Variants in MBD5 observed in about 807,000 individuals in gnomAD.
MBD5 encodes methyl-CpG binding domain protein 5.
Under a neutral mutation model 117.3 loss-of-function variants are expected in MBD5, and 13 were observed. The observed-to-expected ratio is 0.11, with a 90% CI of 0.07 to 0.18. The LOEUF is 0.18. MBD5 is among the 10% of genes least tolerant of loss of function. The pLI, the probability that MBD5 is intolerant of heterozygous loss-of-function variation, is 1.00. For synonymous variants in MBD5, 727 were observed against 766.4 expected (o/e 0.95, Z 0.85); for missense variants, 1,879 against 2,093.8 (o/e 0.90, Z 2.00).
At chr2:148,459,345 C>T (rs1706989797) in intron 5 of MBD5, among the ~76,000 whole-genome samples, 1 of 151,982 alleles carries the variant, frequency 6.6e-6, no homozygotes, top group Admixed American at 6.6e-5. Context: ...AATCTATTTC[C>T]TTGCGTGTAA....
chr2:148,345,306 T>C (rs1420735536), intron 4 of MBD5, among the ~76,000 whole-genome samples: 3 of 150,382 alleles, frequency 2.0e-5, no homozygotes, highest in Non-Finnish European at 4.4e-5. Flanking sequence ...TTTGGGTATA[T>C]ATACACACAC....
intron 1 of MBD5, among the ~76,000 whole-genome samples, chr2:148,118,857 C>T (rs948173669): frequency 6.6e-6 from 1 of 152,150 alleles, no homozygotes; most frequent in African/African-American, 2.4e-5. Context: ...AGTATATCTC[C>T]TAACTTCAGT....
chr2:148,034,339 G>A (rs1296752481), intron 1 of MBD5, among the ~76,000 whole-genome samples: 1 of 152,130 alleles, frequency 6.6e-6, no homozygotes, highest in African/African-American at 2.4e-5. Context: ...GCTTTCTACT[G>A]TTGTTTAGCG....
At chr2:148,280,131 C>CAAAAAAAAAAAAA (rs3076398) in intron 3 of MBD5, among the ~76,000 whole-genome samples, 234 of 91,614 alleles carry the variant, frequency 2.6e-3, no homozygotes, top group Non-Finnish European at 3.1e-3. Context: ...AAACTAACTG[C>CAAAAAAAAAAAAA]AAAAAAAAAA....
intron 1 of MBD5, among the ~76,000 whole-genome samples, chr2:148,086,591 A>G (rs1218502690): frequency 2.0e-5 from 3 of 152,186 alleles, no homozygotes; most frequent in Non-Finnish European, 4.4e-5. Context: ...CAGCCTTTAC[A>G]TAATTTCTGA....
chr2:148,270,741 G>A (rs1250893930), intron 3 of MBD5, among the ~76,000 whole-genome samples: 1 of 151,768 alleles, frequency 6.6e-6, no homozygotes, highest in African/African-American at 2.4e-5. Flanking sequence ...AGCCTCATAG[G>A]TCTCTACTAA....
intron 4 of MBD5, among the ~76,000 whole-genome samples, chr2:148,429,543 A>G (rs570527799): frequency 1.6e-4 from 24 of 152,318 alleles, no homozygotes; most frequent in Admixed American, 1.2e-3. Flanking sequence ...AGACACATGC[A>G]CACATATGTT....
intron 8 of MBD5, among the ~76,000 whole-genome samples, chr2:148,473,428 G>A (rs1680860536): frequency 6.6e-6 from 1 of 152,016 alleles, no homozygotes; most frequent in African/African-American, 2.4e-5. Flanking sequence ...AAACCAACAG[G>A]TAACATGGTC....
intron 1 of MBD5, among the ~76,000 whole-genome samples, chr2:148,128,724 CATGTGT>C (rs1481075637): frequency 6.6e-6 from 1 of 152,060 alleles, no homozygotes; most frequent in African/African-American, 2.4e-5. Context: ...TGCATGTATG[CATGTGT>C]GTATGCATGT....
chr2:148,511,114 T>C (rs1682200805), intron 13 of MBD5, among the ~76,000 whole-genome samples: 1 of 152,170 alleles, frequency 6.6e-6, no homozygotes, highest in South Asian at 2.1e-4. Flanking sequence ...ACAGATTCTT[T>C]CTGTATCTAG....
intron 3 of MBD5, among the ~76,000 whole-genome samples, chr2:148,333,712 G>C (rs138978484): frequency 2.6e-5 from 4 of 151,994 alleles, no homozygotes; most frequent in African/African-American, 9.6e-5. Flanking sequence ...ACAAAAATTA[G>C]CCAGGTAAGG....
intron 1 of MBD5, among the ~76,000 whole-genome samples, chr2:148,164,242 T>G (rs1698075359): frequency 6.6e-6 from 1 of 152,170 alleles, no homozygotes; most frequent in African/African-American, 2.4e-5. Context: ...GCTACTATCT[T>G]CTGTTATTAA....
intron 1 of MBD5, among the ~76,000 whole-genome samples, chr2:148,166,069 TA>T (rs1421333315): frequency 2.6e-5 from 4 of 152,194 alleles, no homozygotes; most frequent in Non-Finnish European, 5.9e-5. Context: ...TTGTACATCT[TA>T]AAAAACTTGA....
At chr2:148,230,511 AC>A (rs768890606) in intron 2 of MBD5, among the ~76,000 whole-genome samples, 2 of 152,062 alleles carry the variant, frequency 1.3e-5, no homozygotes, top group Non-Finnish European at 2.9e-5. Context: ...GGAACCTGGG[AC>A]CCCAATAACC....
chr2:148,456,833 A>G lies in MBD5; in HGVS notation c.-556-1370A>G, dbSNP rs142689050. 2.6e-4 allele frequency among the ~76,000 whole-genome samples: 40 copies of G among 152,244 alleles called. 1 individual carries two copies. The East Asian group carries it at 7.7e-3, about 29-fold the overall frequency. On this transcript the variant is annotated intron_variant, in intron 4 of 13. Coordinates refer to ENST00000642680, the MANE Select transcript of MBD5 (RefSeq NM_001378120.1). ...GTTTTCAGTTGTGAGTAAATGCTTC[A>G]TTACAACACCCTTAACCTGTCTCAG... is the stretch of plus-strand genomic sequence containing the variant.
intron 1 of MBD5, among the ~76,000 whole-genome samples, chr2:148,171,322 G>A (rs1347044476): frequency 6.6e-6 from 1 of 152,200 alleles, no homozygotes; most frequent in Admixed American, 6.5e-5. Flanking sequence ...TGCAAGGACA[G>A]TTCAAAATAC....
rs200434229 is a variant in MBD5, at chr2:148,064,121, C to CTTTTTTTTTTTTT, written c.-925+42443_-925+42444insTTTTTTTTTTTTT. ...GAAACATACTATTCCCACCAGCTGT[C>CTTTTTTTTTTTTT]TTTTTTCTTTTTTTTTTTTTTTGAG... is the stretch of plus-strand genomic sequence containing the variant. On this transcript the variant is annotated intron_variant, in intron 1 of 13. Coordinates refer to ENST00000642680, the MANE Select transcript of MBD5 (RefSeq NM_001378120.1). 4.8e-5 allele frequency among the ~76,000 whole-genome samples: 6 copies of CTTTTTTTTTTTTT among 126,152 alleles called. 2 individuals carry two copies. The highest frequency in any genetic ancestry group is 3.3e-5 in the Non-Finnish European group (2 of 61,272). 82.8% of individuals were successfully genotyped at this position (126,152 alleles called of 152,430 possible). A position where few individuals can be genotyped will look rare whatever the true frequency, so the allele number is the denominator to read the frequency against.
chr2:148,086,481 A>G (rs912207661), intron 1 of MBD5, among the ~76,000 whole-genome samples: 1 of 152,170 alleles, frequency 6.6e-6, no homozygotes, highest in Non-Finnish European at 1.5e-5. Context: ...TATTAGTTCT[A>G]TGGAACTTAT....
rs1204195595 is a variant in MBD5 at position 148,021,532 on chromosome 2, G to C, written c.-1077G>C. On this transcript the variant is annotated 5_prime_UTR_variant, in exon 1 of 14. Transcript: ENST00000642680. ...GCTGCTACTGCTGCTGCTTGGCCCT[G>C]GCTGGAGACATCTCACTACACCCAG... 2 of 564,116 alleles carry C rather than the reference G, an allele frequency of 3.5e-6. No individual in the cohort carries two copies. The highest frequency in any genetic ancestry group is 2.2e-5 in the Admixed American group (1 of 45,886). 34.9% of individuals were successfully genotyped at this position (564,116 alleles called of 1,614,324 possible).
Sources: allele counts gnomAD v4.1 joint callset (sites outside exome capture counted in the v4.1 genomes callset), GRCh38; gene constraint gnomAD v4.1.1; transcripts MANE v1.5; gene names NCBI Gene and HGNC (gene_info 2026-07-23, HGNC 2026-07-21).